Variants in ISM2 observed in about 807,000 individuals in gnomAD.
ISM2 encodes isthmin 2.
Under a neutral mutation model 58.0 loss-of-function variants are expected in ISM2, and 50 were observed. The ratio of observed to expected loss-of-function variants is 0.86; its 90% CI spans 0.69 to 1.09. The LOEUF is 1.09. Among genes scored for constraint, ISM2 ranks in the 50% least tolerant of loss-of-function variants. The pLI is 0.00. For missense variants in ISM2, 723 were observed against 745.0 expected, an observed-to-expected ratio of 0.97 and a Z score of 0.34; for synonymous variants, 303 against 312.4, an observed-to-expected ratio of 0.97 and a Z score of 0.32.
chr14:77,497,367 C>CA (rs35676781), intron 1 of ISM2, among the ~76,000 whole-genome samples: 22,218 of 64,692 alleles, frequency 0.34, 4,505 homozygotes, highest in Non-Finnish European at 0.43. Context: ...GGCTCTGTCT[C>CA]AAAAAAAAAA....
intron 1 of ISM2, among the ~76,000 whole-genome samples, chr14:77,489,152 G>C (rs899636171): frequency 1.3e-5 from 2 of 152,192 alleles, no homozygotes; most frequent in Non-Finnish European, 2.9e-5. Flanking sequence ...TGCATTGCGT[G>C]AGCCCGCCTG....
intron 1 of ISM2, among the ~76,000 whole-genome samples, chr14:77,493,692 C>T (rs897284644): frequency 6.6e-6 from 1 of 150,750 alleles, no homozygotes; most frequent in African/African-American, 2.4e-5. Flanking sequence ...AAACTCCTGA[C>T]CTCAAGTGAT....
At chr14:77,485,796 C>T (rs574848310) in intron 1 of ISM2, among the ~76,000 whole-genome samples, 2 of 152,306 alleles carry the variant, frequency 1.3e-5, no homozygotes, top group Non-Finnish European at 2.9e-5. Flanking sequence ...CCTTGCCACC[C>T]CTCCCGTCTC....
chr14:77,486,382 T>C (rs1054515589), intron 1 of ISM2, among the ~76,000 whole-genome samples: 2 of 152,246 alleles, frequency 1.3e-5, no homozygotes, highest in African/African-American at 4.8e-5. Flanking sequence ...ACTAAACGCC[T>C]GGTCCCAGGG....
In ISM2 at chr14:77,498,778, C is replaced by T. The variant is rs939819492; in HGVS notation, c.16G>A (p.Asp6Asn). ...ACGCAGAGGAGGAGCCCGGCTCGGT[C>T]GCGGAGCGCACGCATCGTCTCGGTT... Reference protein sequence around the residue: MRALRDRAGLLLCVLL... With the variant: MRALRNRAGLLLCVLL... The change falls in exon 1 of 7, where the codon GAC (aspartate) becomes AAC (asparagine). Residue 6 changes from aspartate (D) to asparagine (N), a missense_variant. Physicochemically the swap from Asp to Asn is conservative, Grantham distance 23. Coordinates refer to ENST00000342219, the MANE Select transcript of ISM2 (RefSeq NM_199296.3). The T allele has an allele frequency of 1.4e-6, 2 of 1,455,910 alleles. No homozygotes were observed. The highest frequency in any genetic ancestry group is 1.8e-6 in the Non-Finnish European group (2 of 1,113,398). The allele number at this position is 1,455,910 out of a possible 1,614,324, so 90.2% of individuals were successfully genotyped here. A position where few individuals can be genotyped will look rare whatever the true frequency, so the allele number is the denominator to read the frequency against.
At chr14:77,485,653 G>T (rs1046536545) in intron 1 of ISM2, among the ~76,000 whole-genome samples, 6 of 152,270 alleles carry the variant, frequency 3.9e-5, no homozygotes, top group African/African-American at 1.4e-4. Flanking sequence ...TAGGGGCTCA[G>T]TGGCTGCCAC....
rs530313587 is a variant in ISM2, at chr14:77,477,119, A to G, written c.1199-1007T>C. 3.3e-5 allele frequency among the ~76,000 whole-genome samples: 5 copies of G among 152,278 alleles called. No individual in the cohort carries two copies. In the South Asian group the frequency reaches 1.0e-3, roughly 32 times the overall value. ...CCAGAAAGAGGTGCCCCCCAGACTC[A>G]CCAGAGCCCTGCAGCGAGCAGGGAA... On this transcript the variant is annotated intron_variant, in intron 6 of 6. Transcript: ENST00000342219.
chr14:77,487,645 G>C (rs1313492225), intron 1 of ISM2, among the ~76,000 whole-genome samples: 1 of 152,162 alleles, frequency 6.6e-6, no homozygotes, highest in Non-Finnish European at 1.5e-5. Flanking sequence ...GGAACTCCTG[G>C]GAGTGGAAAG....
At chr14:77,481,349 A>T (rs368107564) in intron 4 of ISM2, among the ~76,000 whole-genome samples, 5 of 145,278 alleles carry the variant, frequency 3.4e-5, no homozygotes, top group African/African-American at 5.1e-5. Flanking sequence ...CAAAAAAATT[A>T]AAAAAAAAAA....
intron 1 of ISM2, among the ~76,000 whole-genome samples, chr14:77,492,914 G>A (rs2079215213): frequency 6.6e-6 from 1 of 152,102 alleles, no homozygotes; most frequent in Non-Finnish European, 1.5e-5. Flanking sequence ...AGAATCGCTT[G>A]AGCCTGGGAG....
At chr14:77,481,362 C>A (rs1316926365) in intron 4 of ISM2, among the ~76,000 whole-genome samples, 1 of 151,812 alleles carries the variant, frequency 6.6e-6, no homozygotes, top group South Asian at 2.1e-4. Flanking sequence ...AAAAAAAAAT[C>A]TGTCATCATG....
intron 4 of ISM2, among the ~76,000 whole-genome samples, chr14:77,479,173 C>T (rs1431028137): frequency 6.6e-6 from 1 of 151,620 alleles, no homozygotes; most frequent in Non-Finnish European, 1.5e-5. Flanking sequence ...CTCAAGCAAT[C>T]CCCCCACCTC....
Position 77,478,727 on chromosome 14 carries a change from C to A in ISM2, c.974-12G>T. 6.2e-7 allele frequency: 1 copy of A among 1,606,872 alleles called. No homozygotes were observed. Among genetic ancestry groups the A allele is most frequent in the South Asian group, 1.1e-5 (1 of 90,918 alleles). Reference sequence around the variant, plus strand: ...CTGAGGCTCATAGTCTGGGTTAAGACAGGGAGTTGGGGGTGAGTGCATATA... The same window carrying A: ...CTGAGGCTCATAGTCTGGGTTAAGAAAGGGAGTTGGGGGTGAGTGCATATA... On this transcript the variant is annotated splice_polypyrimidine_tract_variant and intron_variant, in intron 4 of 6. Transcript: ENST00000342219.
At chr14:77,497,033 C>T (rs2079247001) in intron 1 of ISM2, among the ~76,000 whole-genome samples, 1 of 152,048 alleles carries the variant, frequency 6.6e-6, no homozygotes, top group Non-Finnish European at 1.5e-5. Flanking sequence ...CAATCTCCCA[C>T]ACCCTGCATG....
At chr14:77,485,802 G>A (rs1473921106) in intron 1 of ISM2, among the ~76,000 whole-genome samples, 4 of 152,158 alleles carry the variant, frequency 2.6e-5, no homozygotes, top group South Asian at 4.1e-4. Context: ...CACCCCTCCC[G>A]TCTCATACCT....
Position 77,498,146 on chromosome 14 carries a change from C to T in ISM2, c.141+507G>A, listed in dbSNP as rs918063730. 5 of 722,764 alleles carry T rather than the reference C, an allele frequency of 6.9e-6. No individual in the cohort carries two copies. In the African/African-American group the frequency reaches 9.4e-5, roughly 14 times the overall value. 44.8% of individuals were successfully genotyped at this position (722,764 alleles called of 1,614,324 possible). On this transcript the variant is annotated intron_variant, in intron 1 of 6. Transcript: ENST00000342219. ...CCACCCACAGGCCACGAGGACAGAGCCAGTCTCAGGCTGGCCACCCCTGCC... is the reference window on the plus strand; with the variant it reads ...CCACCCACAGGCCACGAGGACAGAGTCAGTCTCAGGCTGGCCACCCCTGCC...
In ISM2 at chr14:77,488,854, G is replaced by A. The variant is rs947564162; in HGVS notation, c.142-3935C>T. Among the ~76,000 whole-genome samples, 6 of 152,270 alleles carry A rather than the reference G, an allele frequency of 3.9e-5. No homozygotes were observed. The East Asian group carries it at 9.7e-4, about 24-fold the overall frequency. ...CAGGTGTATCCTCATGGCATTCTGA[G>A]GGGAATTCTGAGACTCCAGGTTGTT... On this transcript the variant is annotated intron_variant, in intron 1 of 6. Transcript: ENST00000342219.
chr14:77,496,054 A>C (rs1017680761), intron 1 of ISM2, among the ~76,000 whole-genome samples: 2 of 152,062 alleles, frequency 1.3e-5, no homozygotes, highest in Non-Finnish European at 2.9e-5. Flanking sequence ...CTCTACTAAA[A>C]AAATACAAAA....
intron 4 of ISM2, 116 bp from the exon 5 acceptor site, chr14:77,478,831 C>A: frequency 9.4e-7 from 1 of 1,066,754 alleles, no homozygotes; most frequent in Non-Finnish European, 1.4e-6. Context: ...GGGCTTCCAG[C>A]CTCATGAATG....
Sources: gnomAD v4.1 joint callset for allele counts (sites outside exome capture counted in the v4.1 genomes callset) on GRCh38, gnomAD v4.1.1 for gene constraint, MANE v1.5 for transcripts, NCBI Gene and HGNC (gene_info 2026-07-23, HGNC 2026-07-21) for gene names.